Variants in ANKRD12 observed in about 807,000 individuals in gnomAD.
ANKRD12 encodes ankyrin repeat domain-containing protein 12.
Under a neutral mutation model 183.4 loss-of-function variants are expected in ANKRD12, and 85 were observed. The observed-to-expected ratio is 0.46, with a 90% CI of 0.39 to 0.56. ANKRD12 has a LOEUF of 0.56. Among genes scored for constraint, ANKRD12 ranks in the 20% least tolerant of loss-of-function variants. The pLI, the probability that ANKRD12 is intolerant of heterozygous loss-of-function variation, is 0.00. For missense variants in ANKRD12, 2,405 were observed against 2,357.1 expected, an observed-to-expected ratio of 1.02 and a Z score of -0.42; for synonymous variants, 914 against 800.2, an observed-to-expected ratio of 1.14 and a Z score of -2.40.
intron 10 of ANKRD12, among the ~76,000 whole-genome samples, chr18:9,269,530 T>C (rs2039483927): frequency 6.6e-6 from 1 of 152,240 alleles, no homozygotes; most frequent in Admixed American, 6.5e-5. Context: ...AAGGATTCCC[T>C]ATTTAATAAA....
Position 9,201,027 on chromosome 18 carries a change from G to T in ANKRD12, c.236-3449G>T, listed in dbSNP as rs900086830. Among the ~76,000 whole-genome samples, 23 of 152,300 alleles carry T rather than the reference G, an allele frequency of 1.5e-4. No individual in the cohort carries two copies. The South Asian group carries it at 2.1e-3, about 14-fold the overall frequency. ...GACAAAAGTGTCTTTTTCCTGGTGA[G>T]ATTTGGCCTTTTTGTTTCTGCATCT... is the stretch of plus-strand genomic sequence containing the variant. On this transcript the variant is annotated intron_variant, in intron 3 of 12. Coordinates refer to ENST00000262126, the MANE Select transcript of ANKRD12 (RefSeq NM_015208.5).
At chr18:9,250,675 C>T (rs956715030) in intron 8 of ANKRD12, among the ~76,000 whole-genome samples, 46 of 152,248 alleles carry the variant, frequency 3.0e-4, no homozygotes, top group African/African-American at 1.1e-3. Context: ...TATGATTGTA[C>T]CACTGCATTC....
intron 8 of ANKRD12, among the ~76,000 whole-genome samples, chr18:9,240,216 T>C (rs542239974): frequency 6.6e-6 from 1 of 152,312 alleles, no homozygotes; most frequent in East Asian, 1.9e-4. Context: ...ATTTATGATA[T>C]TGTTGCAGGA....
At chr18:9,208,172 G>C (rs779859262) in intron 4 of ANKRD12, among the ~76,000 whole-genome samples, 1 of 152,084 alleles carries the variant, frequency 6.6e-6, no homozygotes, top group Non-Finnish European at 1.5e-5. Context: ...TTCGATAGTT[G>C]TTCTGTGTGA....
intron 1 of ANKRD12, among the ~76,000 whole-genome samples, chr18:9,138,535 A>G (rs923929223): frequency 2.0e-5 from 3 of 152,130 alleles, no homozygotes; most frequent in African/African-American, 7.2e-5. Flanking sequence ...AAAACAAACA[A>G]ACAAACAAAC....
intron 1 of ANKRD12, among the ~76,000 whole-genome samples, chr18:9,167,236 T>C (rs2032173962): frequency 6.7e-6 from 1 of 148,222 alleles, no homozygotes; most frequent in African/African-American, 2.7e-5. Context: ...TAAAGTAGTT[T>C]TTTCCAATTC....
intron 2 of ANKRD12, among the ~76,000 whole-genome samples, chr18:9,192,568 G>C (rs1271982973): frequency 6.6e-6 from 1 of 152,112 alleles, no homozygotes; most frequent in East Asian, 1.9e-4. Context: ...TAATCTTTCT[G>C]TGCTCTGGTA....
Position 9,282,185 on chromosome 18 carries a change from C to T in ANKRD12, c.*1059C>T, listed in dbSNP as rs1379979390. ...AATACGTTTAATAAATTTTATTGGT[C>T]ATGTTAAATCATTGTAAAACTTTTT... is the stretch of plus-strand genomic sequence containing the variant. On this transcript the variant is annotated 3_prime_UTR_variant, in exon 13 of 13. Transcript: ENST00000262126. 1.3e-5 allele frequency: 2 copies of T among 152,486 alleles called. No homozygotes were observed. The highest frequency in any genetic ancestry group is 2.9e-5 in the Non-Finnish European group (2 of 67,982). 9.4% of individuals were successfully genotyped at this position (152,486 alleles called of 1,614,324 possible).
chr18:9,182,516 A>G lies in ANKRD12; in HGVS notation c.84A>G (p.Arg28=). 1.3e-6 allele frequency: 2 copies of G among 1,595,610 alleles called. No homozygotes were observed. Among genetic ancestry groups the G allele is most frequent in the Non-Finnish European group, 1.7e-6 (2 of 1,168,298 alleles). The change falls in exon 2 of 13, where the codon AGA becomes AGG. Residue 28 remains arginine, a synonymous_variant. Coordinates refer to ENST00000262126, the MANE Select transcript of ANKRD12 (RefSeq NM_015208.5). Reference sequence around the variant, plus strand: ...ATATGGTAGAGAAACCATATGGAAGAAAGGTATATGATTATACTAAAGATT... The same window carrying G: ...ATATGGTAGAGAAACCATATGGAAGGAAGGTATATGATTATACTAAAGATT... ...DSNMVEKPYG[R]KSKDKIASYS...
intron 1 of ANKRD12, among the ~76,000 whole-genome samples, chr18:9,157,561 G>GTGTGTGGGTGTGTA (rs2030726088): frequency 8.9e-6 from 1 of 112,120 alleles, no homozygotes. Context: ...GTGTGTGTGT[G>GTGTGTGGGTGTGTA]TGTGTGTGTG....
chr18:9,189,860 A>AAG (rs2034342935), intron 2 of ANKRD12, among the ~76,000 whole-genome samples: 1 of 152,206 alleles, frequency 6.6e-6, no homozygotes, highest in Non-Finnish European at 1.5e-5. Flanking sequence ...GAGACATACA[A>AAG]AGAGAATAAT....
chr18:9,142,304 T>A (rs1401592568), intron 1 of ANKRD12, among the ~76,000 whole-genome samples: 1 of 152,214 alleles, frequency 6.6e-6, no homozygotes, highest in Non-Finnish European at 1.5e-5. Flanking sequence ...CTGATTCTCT[T>A]TTGAACCTCA....
chr18:9,149,605 C>T (rs1451018369), intron 1 of ANKRD12, among the ~76,000 whole-genome samples: 1 of 151,890 alleles, frequency 6.6e-6, no homozygotes, highest in Non-Finnish European at 1.5e-5. Flanking sequence ...TCCTAATTTC[C>T]TTCTAATGTA....
chr18:9,202,922 A>G (rs533573939), intron 3 of ANKRD12, among the ~76,000 whole-genome samples: 2 of 152,314 alleles, frequency 1.3e-5, no homozygotes, highest in South Asian at 4.1e-4. Context: ...CCAAAGGATG[A>G]TTTGGATAAA....
At position 9,254,310 on chromosome 18, in the gene ANKRD12, T is replaced by C. The variant is rs200277553; in HGVS notation, c.1043T>C (p.Leu348Pro). The C allele has an allele frequency of 3.7e-5, 60 of 1,612,724 alleles. No individual in the cohort carries two copies. Among genetic ancestry groups the C allele is most frequent in the Non-Finnish European group, 4.1e-5 (48 of 1,179,450 alleles). Residue 348 changes from leucine to proline, a missense_variant, in exon 9 of 13, where the codon CTT becomes CCT. Coordinates refer to ENST00000262126, the MANE Select transcript of ANKRD12 (RefSeq NM_015208.5). ...DSLICESKQI[L>P]PSKTPLPSAL... is the part of the protein sequence containing the mutation. The stretch of plus-strand genomic sequence containing the variant: ...CTCATCTGTGAAAGTAAACAGATAC[T>C]TCCCAGTAAAACACCTCTTCCATCT...
chr18:9,279,655 T>G lies in ANKRD12; in HGVS notation c.6003+11T>G. On this transcript the variant is annotated intron_variant, in intron 12 of 12. Coordinates refer to ENST00000262126, the MANE Select transcript of ANKRD12 (RefSeq NM_015208.5). ...TTTGACAAATTAAAGGTATGTATGT[T>G]TGGAAGTCAGTTTAAATGAATGCTT... 1 of 1,537,868 alleles carries G rather than the reference T, an allele frequency of 6.5e-7. No individual in the cohort carries two copies. Among genetic ancestry groups the G allele is most frequent in the Middle Eastern group, 2.0e-4 (1 of 5,116 alleles).
rs969037240 is a variant in ANKRD12 at position 9,284,114 on chromosome 18, A to G, written c.*2988A>G. On this transcript the variant is annotated 3_prime_UTR_variant, in exon 13 of 13. Coordinates refer to ENST00000262126, the MANE Select transcript of ANKRD12 (RefSeq NM_015208.5). ...TAAGTTTAAAAATATTTTATTGCTAAAAATGGTAACAAAGTGAGCACATGC... is the reference window on the plus strand; with the variant it reads ...TAAGTTTAAAAATATTTTATTGCTAGAAATGGTAACAAAGTGAGCACATGC... The G allele has an allele frequency of 6.6e-6, 1 of 152,250 alleles. No individual in the cohort carries two copies. The highest frequency in any genetic ancestry group is 2.4e-5 in the African/African-American group (1 of 41,470). 9.4% of individuals were successfully genotyped at this position (152,250 alleles called of 1,614,324 possible).
At chr18:9,221,809 A>C (rs2036435958) in intron 7 of ANKRD12, 43 bp from the exon 8 acceptor site, 1 of 1,604,298 alleles carries the variant, frequency 6.2e-7, no homozygotes. Flanking sequence ...CAGTGATAAC[A>C]ATCTGTGAAG....
At chr18:9,217,346 C>T (rs1443511158) in intron 7 of ANKRD12, among the ~76,000 whole-genome samples, 1 of 152,136 alleles carries the variant, frequency 6.6e-6, no homozygotes, top group East Asian at 1.9e-4. Flanking sequence ...AGGTTACTTC[C>T]CTCCTCGGAA....
Sources: allele counts gnomAD v4.1 joint callset (sites outside exome capture counted in the v4.1 genomes callset), GRCh38; gene constraint gnomAD v4.1.1; transcripts MANE v1.5; gene names NCBI Gene and HGNC (gene_info 2026-07-23, HGNC 2026-07-21).